The following SLC25A48 variants were observed in gnomAD, a reference collection of about 807,000 sequenced individuals.
The protein encoded by SLC25A48 is solute carrier family 25 member 48, also known as CTC-321K16.1.
A neutral mutation model predicts 32.2 loss-of-function variants in SLC25A48; 29 were observed. The ratio of observed to expected loss-of-function variants is 0.90; its 90% CI spans 0.67 to 1.23. The LOEUF (loss-of-function observed/expected upper bound fraction) is 1.23. SLC25A48 is among the 50% of genes most tolerant of loss of function. The probability of loss-of-function intolerance (pLI) is 0.00; values close to 1 mark genes in which losing one functional copy is unlikely to be tolerated. For missense variants in SLC25A48, 399 were observed against 422.7 expected, an observed-to-expected ratio of 0.94 and a Z score of 0.49; for synonymous variants, 164 against 172.3, an observed-to-expected ratio of 0.95 and a Z score of 0.38.
At position 135,888,147 on chromosome 5, in the gene SLC25A48, G is replaced by T. The variant is rs1762801662; in HGVS notation, c.*123G>T. 1 of 1,498,460 alleles carries T rather than the reference G, an allele frequency of 6.7e-7. No homozygotes were observed. The highest frequency in any genetic ancestry group is 1.4e-5 in the African/African-American group (1 of 71,674). The allele number at this position is 1,498,460 out of a possible 1,614,324, so 92.8% of individuals were successfully genotyped here. ...CAAGTGGACATCAATTAGCAAGCGT[G>T]GGCTAGGATGGTGCAGACACTGACG... On this transcript the variant is annotated 3_prime_UTR_variant, in exon 8 of 8. Transcript: ENST00000681962.
chr5:135,834,575 G>C, upstream of SLC25A48: 1 of 443,092 alleles, frequency 2.3e-6, no homozygotes, highest in Admixed American at 4.0e-5. Flanking sequence ...TTTGTGTCTG[G>C]GATGAGCCGC....
chr5:135,714,971 G>C (rs1447505647), intron 3 of SLC25A48: 5 of 152,492 alleles, frequency 3.3e-5, no homozygotes, highest in Admixed American at 6.5e-5. Context: ...AGACTGCTGA[G>C]TCGGAGCTTC....
intron 3 of SLC25A48, among the ~76,000 whole-genome samples, chr5:135,780,445 G>T (rs1468928926): frequency 4.3e-5 from 5 of 116,092 alleles, no homozygotes; most frequent in African/African-American, 1.0e-4. Flanking sequence ...TATCGTAGGG[G>T]GTGTACACCC....
chr5:135,798,189 T>C (rs1238171976), intron 3 of SLC25A48, among the ~76,000 whole-genome samples: 1 of 151,832 alleles, frequency 6.6e-6, no homozygotes, highest in Non-Finnish European at 1.5e-5. Flanking sequence ...TGTCATATTG[T>C]TCCTAATATC....
At chr5:135,747,957 C>T (rs766738554) in intron 3 of SLC25A48, among the ~76,000 whole-genome samples, 45 of 152,140 alleles carry the variant, frequency 3.0e-4, no homozygotes, top group African/African-American at 7.7e-4. Context: ...CTGGTCTGTC[C>T]GGCTGCAGAG....
At chr5:135,722,260 C>T (rs537241899) in intron 3 of SLC25A48, among the ~76,000 whole-genome samples, 10 of 152,322 alleles carry the variant, frequency 6.6e-5, no homozygotes, top group Admixed American at 3.3e-4. Context: ...CTGAAAGCAG[C>T]ACTTTGCCAG....
chr5:135,741,134 G>C (rs925418462), intron 3 of SLC25A48, among the ~76,000 whole-genome samples: 2 of 152,204 alleles, frequency 1.3e-5, no homozygotes, highest in East Asian at 3.9e-4. Flanking sequence ...AGAAAACGGA[G>C]GCAGAGTAAG....
At chr5:135,845,140 G>A (rs544738299) in intron 2 of SLC25A48, among the ~76,000 whole-genome samples, 10 of 152,302 alleles carry the variant, frequency 6.6e-5, no homozygotes, top group Middle Eastern at 3.4e-3. Flanking sequence ...TGGAGGCTCC[G>A]AGGGAGAACC....
intron 3 of SLC25A48, among the ~76,000 whole-genome samples, chr5:135,683,112 G>A (rs113754210): frequency 0.037 from 5,683 of 152,130 alleles, 138 homozygotes; most frequent in African/African-American, 0.066. Context: ...CATTTGTGGC[G>A]TCAATCTCAA....
chr5:135,638,421 A>G (rs931627619), intron 3 of SLC25A48, among the ~76,000 whole-genome samples: 1 of 152,154 alleles, frequency 6.6e-6, no homozygotes, highest in Non-Finnish European at 1.5e-5. Context: ...GAGGGGAGGC[A>G]GCAGTTCTTC....
chr5:135,580,840 G>A (rs1310049721), intron 1 of SLC25A48, among the ~76,000 whole-genome samples: 1 of 152,156 alleles, frequency 6.6e-6, no homozygotes, highest in East Asian at 1.9e-4. Context: ...GGATCAGGCT[G>A]CATGTAGTCT....
chr5:135,751,770 G>A (rs1269353670), intron 3 of SLC25A48, among the ~76,000 whole-genome samples: 1 of 152,138 alleles, frequency 6.6e-6, no homozygotes, highest in Non-Finnish European at 1.5e-5. Flanking sequence ...AGGCTGCAAT[G>A]AGCGATGAGC....
chr5:135,625,920 C>T (rs1752431416), intron 1 of SLC25A48, among the ~76,000 whole-genome samples: 1 of 152,168 alleles, frequency 6.6e-6, no homozygotes, highest in South Asian at 2.1e-4. Context: ...TAAATCTCTC[C>T]TGTAGGTATC....
In SLC25A48 at chr5:135,784,193, C is replaced by A. The variant is rs1756784314; in HGVS notation, c.-520-28330C>A. Among the ~76,000 whole-genome samples, 3 of 115,840 alleles carry A rather than the reference C, an allele frequency of 2.6e-5. 1 individual carries two copies. Among genetic ancestry groups the A allele is most frequent in the Non-Finnish European group, 4.3e-5 (2 of 46,934 alleles). The allele number at this position is 115,840 out of a possible 152,430, so 76.0% of individuals were successfully genotyped here. On this transcript the variant is annotated intron_variant, in intron 3 of 10. Coordinates refer to the SLC25A48 transcript ENST00000646290. The stretch of plus-strand genomic sequence containing the variant: ...CTTTCAATATTGCAATAAGCGTACA[C>A]CCTAACACTGCTTTGTTTTCTTCTA...
rs1025082973 is a variant in SLC25A48, at chr5:135,880,091, G to A, written c.*1G>A. 2 of 1,535,978 alleles carry A rather than the reference G, an allele frequency of 1.3e-6. No individual in the cohort carries two copies. Among genetic ancestry groups the A allele is most frequent in the African/African-American group, 2.7e-5 (2 of 73,140 alleles). On this transcript the variant is annotated 3_prime_UTR_variant, in exon 7 of 8. Transcript: ENST00000681962. ...GGACCACGCAGTGACGAGCCCATAA[G>A]CGCCAGGTCAGTGTGCTTCCATCCT...
chr5:135,738,335 T>A (rs1755425141), intron 3 of SLC25A48, among the ~76,000 whole-genome samples: 1 of 152,080 alleles, frequency 6.6e-6, no homozygotes, highest in African/African-American at 2.4e-5. Context: ...TACCTCAAAA[T>A]CTGTCCAATT....
intron 2 of SLC25A48, among the ~76,000 whole-genome samples, chr5:135,634,285 A>G (rs760147542): frequency 3.3e-5 from 5 of 152,352 alleles, no homozygotes; most frequent in Middle Eastern, 6.8e-3. Context: ...AACCCAGTGT[A>G]CCAAATGCAA....
At chr5:135,805,666 C>T (rs1757447093) in intron 3 of SLC25A48, among the ~76,000 whole-genome samples, 1 of 151,504 alleles carries the variant, frequency 6.6e-6, no homozygotes, top group Admixed American at 6.6e-5. Flanking sequence ...GAGGTACACC[C>T]TGTGATATTA....
chr5:135,776,902 G>C (rs961533058), intron 3 of SLC25A48, among the ~76,000 whole-genome samples: 1 of 151,846 alleles, frequency 6.6e-6, no homozygotes, highest in Non-Finnish European at 1.5e-5. Context: ...ATATGATAAT[G>C]TTACTGCAAA....
Sources: gnomAD v4.1 joint callset for allele counts (sites outside exome capture counted in the v4.1 genomes callset) on GRCh38, gnomAD v4.1.1 for gene constraint, MANE v1.5 for transcripts, NCBI Gene and HGNC (gene_info 2026-07-23, HGNC 2026-07-21) for gene names.